The following PROM1 variants were observed in gnomAD, a reference collection of about 807,000 sequenced individuals.
The protein encoded by PROM1 is prominin 1, also known as prominin-1.
Under a neutral mutation model 116.9 loss-of-function variants are expected in PROM1, and 105 were observed. The ratio of observed to expected loss-of-function variants is 0.90; its 90% confidence interval spans 0.77 to 1.06. The LOEUF (loss-of-function observed/expected upper bound fraction) is 1.06, where lower values mean the gene tolerates loss of function less well. Among genes scored for constraint, PROM1 ranks in the 50% least tolerant of loss-of-function variants. PROM1 has a pLI of 0.00. For missense variants in PROM1, 1,122 were observed against 1,045.2 expected (o/e 1.07, Z -1.01); for synonymous variants, 393 against 387.0 (o/e 1.02, Z -0.18).
At chr4:16,078,310 G>A (rs567687166) in intron 1 of PROM1, 3 of 152,436 alleles carry the variant, frequency 2.0e-5, no homozygotes, top group Admixed American at 6.5e-5. Flanking sequence ...ATCCCTGGCA[G>A]GGAAAGAAAT....
intron 1 of PROM1, among the ~76,000 whole-genome samples, chr4:16,080,235 T>C (rs1744780722): frequency 6.6e-6 from 1 of 151,004 alleles, no homozygotes; most frequent in South Asian, 2.1e-4. Context: ...TAAAAGCAAA[T>C]ATGGCCCGGG....
intron 9 of PROM1, among the ~76,000 whole-genome samples, chr4:16,017,216 T>TC (rs1728619440): frequency 6.6e-6 from 1 of 152,304 alleles, no homozygotes; most frequent in South Asian, 2.1e-4. Flanking sequence ...ACAGATAAAC[T>TC]GATAAAATAT....
chr4:16,070,145 C>T (rs965610332), intron 2 of PROM1, among the ~76,000 whole-genome samples: 1 of 152,100 alleles, frequency 6.6e-6, no homozygotes, highest in African/African-American at 2.4e-5. Context: ...TTAACAATTT[C>T]CCCCCTTTAG....
At chr4:15,993,117 A>G (rs1721477084) in intron 16 of PROM1, among the ~76,000 whole-genome samples, 1 of 152,202 alleles carries the variant, frequency 6.6e-6, no homozygotes, top group Non-Finnish European at 1.5e-5. Flanking sequence ...GATAATAAAC[A>G]TTTCATATAC....
At chr4:15,987,561 T>G (rs1008094883) in intron 20 of PROM1, 102 bp downstream of exon 20, 2 of 1,249,920 alleles carry the variant, frequency 1.6e-6, no homozygotes, top group East Asian at 4.7e-5. Context: ...ACTGAGGCTT[T>G]TTTTTTCAAC....
rs1728938088 is a variant in PROM1, at chr4:16,018,354, C to T, written c.971G>A (p.Ser324Asn). ...CAGTTCAGGGTTGCTATTCAGCTGG[C>T]TTAGAGACAATCTGATGCTGTTGCA... Reference protein sequence around the residue: ...ETCNSIRLSLSQLNSNPELRQ... With the variant: ...ETCNSIRLSLNQLNSNPELRQ... The change falls in exon 9 of 28, where the codon AGC becomes AAC. Residue 324 changes from serine (S) to asparagine (N), a missense_variant. Coordinates refer to ENST00000447510, the MANE Select transcript of PROM1 (RefSeq NM_006017.3). The T allele has an allele frequency of 1.2e-6, 2 of 1,613,528 alleles. No individual in the cohort carries two copies. The highest frequency in any genetic ancestry group is 3.5e-4 in the Middle Eastern group (2 of 5,676).
chr4:15,994,038 A>T lies in PROM1; in HGVS notation c.1716T>A (p.Thr572=), dbSNP rs772552632. Residue 572 remains threonine (T), a synonymous_variant, in exon 16 of 28, where the codon ACT becomes ACA. Coordinates refer to ENST00000447510, the MANE Select transcript of PROM1 (RefSeq NM_006017.3). ...DCKKNRGTYG[T]LHLQNSFNIS... Reference sequence around the variant, plus strand: ...TATTGAAGCTGTTCTGCAGGTGAAGAGTGCCGTAAGTGCCTCTATTTTTTT... The same window carrying T: ...TATTGAAGCTGTTCTGCAGGTGAAGTGTGCCGTAAGTGCCTCTATTTTTTT... 2 of 1,614,028 alleles carry T rather than the reference A, an allele frequency of 1.2e-6. No homozygotes were observed. Among genetic ancestry groups the T allele is most frequent in the South Asian group, 2.2e-5 (2 of 91,084 alleles).
At chr4:15,971,225 T>A (rs1714470982) in intron 26 of PROM1, 143 bp from the exon 27 acceptor site, 1 of 627,346 alleles carries the variant, frequency 1.6e-6, no homozygotes, top group South Asian at 2.4e-5. Context: ...AAGAAGAATG[T>A]GTCAGACAAA....
At chr4:16,054,834 A>G (rs1258804115) in intron 2 of PROM1, among the ~76,000 whole-genome samples, 1 of 151,934 alleles carries the variant, frequency 6.6e-6, no homozygotes, top group Non-Finnish European at 1.5e-5. Context: ...CCCTCCCTAT[A>G]ATGGTCAGTA....
Position 15,985,771 on chromosome 4 carries a change from T to A in PROM1, c.2269A>T (p.Ile757Phe). ...IGYFEHYLQW[I>F]EFSISEKVAS... Reference sequence around the variant, plus strand: ...GATAAACTACTTACAGAGAACTCGATCCACTGCAGATAATGTTCAAAATAT... The same window carrying A: ...GATAAACTACTTACAGAGAACTCGAACCACTGCAGATAATGTTCAAAATAT... Residue 757 changes from isoleucine to phenylalanine, a missense_variant, in exon 22 of 28, where the codon ATC becomes TTC. By Grantham distance (21) the Ile-to-Phe change is conservative. Coordinates refer to ENST00000447510, the MANE Select transcript of PROM1 (RefSeq NM_006017.3). The A allele has an allele frequency of 1.9e-6, 3 of 1,565,682 alleles. No individual in the cohort carries two copies. The highest frequency in any genetic ancestry group is 2.6e-6 in the Non-Finnish European group (3 of 1,142,468).
intron 3 of PROM1, among the ~76,000 whole-genome samples, chr4:16,037,819 C>T (rs1289582760): frequency 6.6e-6 from 1 of 152,202 alleles, no homozygotes; most frequent in African/African-American, 2.4e-5. Flanking sequence ...ATCGAAAGAC[C>T]ATTCTCCTGT....
chr4:16,065,359 T>A (rs138461385), intron 2 of PROM1, among the ~76,000 whole-genome samples: 3 of 152,300 alleles, frequency 2.0e-5, no homozygotes, highest in East Asian at 3.9e-4. Flanking sequence ...GTTCTCTGTG[T>A]CTTGAACTCT....
At position 16,075,722 on chromosome 4, in the gene PROM1, A is replaced by T; in HGVS notation, c.185T>A (p.Phe62Tyr). 1 of 1,613,702 alleles carries T rather than the reference A, an allele frequency of 6.2e-7. No homozygotes were observed. The highest frequency in any genetic ancestry group is 8.5e-7 in the Non-Finnish European group (1 of 1,179,790). The change falls in exon 2 of 28, where the codon TTT (phenylalanine) becomes TAT (tyrosine). Residue 62 changes from phenylalanine (F) to tyrosine (Y), a missense_variant. Phe to Tyr is a conservative substitution (Grantham distance 22). Transcript: ENST00000447510. ...IGILFELVHI[F>Y]LYVVQPRDFP... ...ATCACGCGGCTGTACCACATAGAGA[A>T]AGATATGCACTAGTTCAAAGAGAAT...
In PROM1 at chr4:15,984,360, G is replaced by T. The variant is rs777654968; in HGVS notation, c.2281-5C>A. The stretch of plus-strand genomic sequence containing the variant: ...CGATGCCACTTTCTCACTGATCTAG[G>T]GGGGTGGAAACACAGGGAAACTTTG... On this transcript the variant is annotated splice_region_variant and splice_polypyrimidine_tract_variant and intron_variant, in intron 22 of 27. Transcript: ENST00000447510. The T allele has an allele frequency of 1.9e-6, 3 of 1,562,040 alleles. No homozygotes were observed. The highest frequency in any genetic ancestry group is 2.3e-5 in the East Asian group (1 of 43,746).
chr4:16,022,849 G>T (rs1461283781), intron 8 of PROM1, among the ~76,000 whole-genome samples: 1 of 152,120 alleles, frequency 6.6e-6, no homozygotes, highest in African/African-American at 2.4e-5. Flanking sequence ...GAAGGAAAAA[G>T]GAATCAATTT....
Position 16,024,326 on chromosome 4 carries a change from A to G in PROM1, c.663T>C (p.Thr221=), listed in dbSNP as rs758524907. 5.0e-6 allele frequency: 8 copies of G among 1,613,606 alleles called. No individual in the cohort carries two copies. The East Asian group carries it at 1.8e-4, about 36-fold the overall frequency. ...QIKYILAQYN[T]TKDKAFTDLN... The stretch of plus-strand genomic sequence containing the variant: ...GATCTGTGAACGCCTTGTCCTTGGT[A>G]GTGTTGTACTGGGCCAATATATATT... Residue 221 remains threonine (T), a synonymous_variant, in exon 7 of 28, where the codon ACT becomes ACC. Transcript: ENST00000447510.
chr4:16,021,833 C>T (rs943258763), intron 8 of PROM1, among the ~76,000 whole-genome samples: 1 of 152,158 alleles, frequency 6.6e-6, no homozygotes, highest in Admixed American at 6.5e-5. Flanking sequence ...CACCACTTCC[C>T]CCAGCTACCC....
At chr4:16,067,000 TCA>T (rs1741695200) in intron 2 of PROM1, among the ~76,000 whole-genome samples, 1 of 152,204 alleles carries the variant, frequency 6.6e-6, no homozygotes, top group African/African-American at 2.4e-5. Context: ...GATGAGTTTT[TCA>T]GTTTGGTTAC....
intron 26 of PROM1, among the ~76,000 whole-genome samples, chr4:15,978,987 GAAAA>G (rs1560384654): frequency 1.3e-5 from 2 of 149,076 alleles, no homozygotes; most frequent in African/African-American, 2.5e-5. Context: ...TGGAAGGAAG[GAAAA>G]AAGGAAGGAA....
Sources: gnomAD v4.1 joint callset for allele counts (sites outside exome capture counted in the v4.1 genomes callset) on GRCh38, gnomAD v4.1.1 for gene constraint, MANE v1.5 for transcripts, NCBI Gene and HGNC (gene_info 2026-07-23, HGNC 2026-07-21) for gene names.